CACNB4: variants seen among roughly 807,000 people sequenced by gnomAD.
CACNB4 encodes calcium voltage-gated channel auxiliary subunit beta 4, also known as voltage-dependent L-type calcium channel subunit beta-4.
In CACNB4, 32 loss-of-function variants were observed where a neutral mutation model predicts 71.2. The observed-to-expected ratio is 0.45, with a 90% CI of 0.34 to 0.60. CACNB4 has a LOEUF of 0.60. Among genes scored for constraint, CACNB4 ranks in the 20% least tolerant of loss-of-function variants. The pLI is 0.01. For synonymous variants in CACNB4, 231 were observed against 236.9 expected, an observed-to-expected ratio of 0.97 and a Z score of 0.23; for missense variants, 464 against 647.9, an observed-to-expected ratio of 0.72 and a Z score of 3.08.
chr2:151,900,859 C>G (rs1476772947), intron 2 of CACNB4, among the ~76,000 whole-genome samples: 1 of 152,112 alleles, frequency 6.6e-6, no homozygotes, highest in African/African-American at 2.4e-5. Context: ...CACAATTTAC[C>G]TACTGCTTAA....
At chr2:151,959,282 T>G (rs1470187804) in intron 2 of CACNB4, among the ~76,000 whole-genome samples, 4 of 152,220 alleles carry the variant, frequency 2.6e-5, no homozygotes, top group Non-Finnish European at 5.9e-5. Flanking sequence ...GAGGTGAGGC[T>G]TTGGGTTCAC....
intron 2 of CACNB4, among the ~76,000 whole-genome samples, chr2:152,067,844 G>T (rs919609580): frequency 1.3e-5 from 2 of 152,162 alleles, no homozygotes; most frequent in Non-Finnish European, 2.9e-5. Flanking sequence ...GGTAGTTGTG[G>T]TACTTGAATG....
At chr2:151,973,601 G>T in intron 2 of CACNB4, 2 of 1,397,066 alleles carry the variant, frequency 1.4e-6, no homozygotes, top group Non-Finnish European at 2.0e-6. Flanking sequence ...AGAAGCGGGG[G>T]GGTGGAGGGG....
At chr2:152,043,733 A>G (rs555814159) in intron 2 of CACNB4, among the ~76,000 whole-genome samples, 24 of 152,322 alleles carry the variant, frequency 1.6e-4, no homozygotes, top group South Asian at 1.2e-3. Context: ...TATTTGTGGC[A>G]AGATGTCTCA....
intron 2 of CACNB4, among the ~76,000 whole-genome samples, chr2:151,957,257 C>CGTGTTTGTGTGTGTGT (rs3068823): frequency 1.5e-5 from 2 of 131,870 alleles, no homozygotes; most frequent in Non-Finnish European, 1.6e-5. Context: ...AGTGGCTGGG[C>CGTGTTTGTGTGTGTGT]GTGTGTGTGT....
intron 2 of CACNB4, among the ~76,000 whole-genome samples, chr2:151,988,404 A>G (rs1371855789): frequency 6.6e-6 from 1 of 152,126 alleles, no homozygotes; most frequent in Non-Finnish European, 1.5e-5. Context: ...CGGATTCTAA[A>G]AACCTTCCCC....
At chr2:151,882,025 T>C (rs2680975) in intron 3 of CACNB4, among the ~76,000 whole-genome samples, 2 of 151,284 alleles carry the variant, frequency 1.3e-5, no homozygotes. Context: ...GGATTACAGG[T>C]GCACACCACC....
chr2:152,048,655 C>A (rs1046180742), intron 2 of CACNB4: 1 of 152,288 alleles, frequency 6.6e-6, no homozygotes, highest in African/African-American at 2.4e-5. Context: ...CAGAGAGAAG[C>A]GTGTCCCTCA....
chr2:151,910,183 T>G (rs140246719), intron 2 of CACNB4, among the ~76,000 whole-genome samples: 3,057 of 152,322 alleles, frequency 0.02, 101 homozygotes, highest in African/African-American at 0.07. Context: ...AATGTCCTTT[T>G]GAGAAGTGTC....
At chr2:152,069,117 C>A (rs953437832) in intron 2 of CACNB4, among the ~76,000 whole-genome samples, 2 of 152,162 alleles carry the variant, frequency 1.3e-5, no homozygotes, top group African/African-American at 4.8e-5. Context: ...AATGCTTCCC[C>A]CTACCGCTGT....
intron 3 of CACNB4, among the ~76,000 whole-genome samples, chr2:151,882,727 T>C (rs2099848251): frequency 1.3e-5 from 2 of 152,242 alleles, no homozygotes; most frequent in Admixed American, 6.5e-5. Context: ...TTGTGGAATA[T>C]CTGAAGGTCT....
chr2:151,846,529 TTTTG>T lies in CACNB4; in HGVS notation c.1117-4445_1117-4442del, dbSNP rs372164400. Among the ~76,000 whole-genome samples the T allele has an allele frequency of 1.1e-3, 168 of 152,228 alleles. 1 individual carries two copies. Among genetic ancestry groups the T allele is most frequent in the Middle Eastern group, 3.4e-3 (1 of 294 alleles). ...ACTAATTTTGCAGTTTAATTTTAAC[TTTTG>T]TTTGTTTGTTTTTTGTTTTGTTTTG... On this transcript the variant is annotated intron_variant, in intron 12 of 13. Coordinates refer to ENST00000539935, the MANE Select transcript of CACNB4 (RefSeq NM_000726.5).
At chr2:151,959,862 T>C (rs1024730970) in intron 2 of CACNB4, among the ~76,000 whole-genome samples, 3 of 152,216 alleles carry the variant, frequency 2.0e-5, no homozygotes, top group African/African-American at 7.2e-5. Context: ...TGCATAGTTC[T>C]TTATATTGTA....
At chr2:151,936,633 C>G (rs2099862984) in intron 2 of CACNB4, among the ~76,000 whole-genome samples, 1 of 152,210 alleles carries the variant, frequency 6.6e-6, no homozygotes, top group African/African-American at 2.4e-5. Context: ...GGTCATTTGC[C>G]TATCACCTGC....
intron 2 of CACNB4, among the ~76,000 whole-genome samples, chr2:151,953,729 T>G (rs1025123322): frequency 4.6e-5 from 7 of 152,214 alleles, no homozygotes; most frequent in African/African-American, 1.7e-4. Context: ...ACTCTAAGAA[T>G]TTTTCTACTA....
chr2:151,877,127 A>T (rs923255253), intron 4 of CACNB4, among the ~76,000 whole-genome samples: 1 of 148,806 alleles, frequency 6.7e-6, no homozygotes, highest in Non-Finnish European at 1.5e-5. Context: ...CTATATATAC[A>T]TACTATATAT....
intron 2 of CACNB4, among the ~76,000 whole-genome samples, chr2:151,915,358 A>G (rs980564867): frequency 1.3e-5 from 2 of 152,208 alleles, no homozygotes; most frequent in Non-Finnish European, 2.9e-5. Context: ...CTGGACGTAT[A>G]GAAATGGGTG....
At chr2:151,848,811 C>T (rs1488224628) in intron 12 of CACNB4, among the ~76,000 whole-genome samples, 3 of 152,138 alleles carry the variant, frequency 2.0e-5, no homozygotes, top group Admixed American at 6.5e-5. Flanking sequence ...TTTATATGTT[C>T]AATTGTCTGT....
At chr2:152,017,480 G>A (rs2139421) in intron 2 of CACNB4, among the ~76,000 whole-genome samples, 61,791 of 138,660 alleles carry the variant, frequency 0.45, 15,552 homozygotes, top group Non-Finnish European at 0.57. Context: ...GGCTGAGGCG[G>A]GCGGATCCCG....
Sources: allele counts gnomAD v4.1 joint callset (sites outside exome capture counted in the v4.1 genomes callset), GRCh38; gene constraint gnomAD v4.1.1; transcripts MANE v1.5; gene names NCBI Gene and HGNC (gene_info 2026-07-23, HGNC 2026-07-21).